BMP6: variants seen among roughly 807,000 people sequenced by gnomAD.
BMP6 encodes the protein bone morphogenetic protein 6.
In BMP6, 17 loss-of-function variants were observed where a neutral mutation model predicts 54.1. That is an observed-to-expected ratio of 0.31 (90% CI 0.22 to 0.47). BMP6 has a LOEUF of 0.47. Ranked by LOEUF, BMP6 falls within the 20% of genes least tolerant of loss-of-function variation. The pLI is 1.00. For synonymous variants in BMP6, 328 were observed against 291.2 expected (o/e 1.13, Z -1.28); for missense variants, 720 against 690.4 (o/e 1.04, Z -0.48).
At chr6:7,806,369 T>A (rs1758347115) in intron 1 of BMP6, among the ~76,000 whole-genome samples, 1 of 152,250 alleles carries the variant, frequency 6.6e-6, no homozygotes, top group Admixed American at 6.5e-5. Context: ...ACTAACCAGC[T>A]GATTGCCCAT....
intron 1 of BMP6, among the ~76,000 whole-genome samples, chr6:7,823,657 T>G (rs150203289): frequency 6.6e-6 from 1 of 152,236 alleles, no homozygotes; most frequent in Non-Finnish European, 1.5e-5. Flanking sequence ...GGAGATGATA[T>G]GTGAGCAGAG....
intron 1 of BMP6, among the ~76,000 whole-genome samples, chr6:7,810,578 T>G (rs1489150701): frequency 2.0e-5 from 3 of 152,230 alleles, no homozygotes; most frequent in African/African-American, 7.2e-5. Flanking sequence ...CTCATGGTAT[T>G]CATATTTGTC....
chr6:7,843,201 G>A (rs1197445619), intron 1 of BMP6, among the ~76,000 whole-genome samples: 1 of 151,582 alleles, frequency 6.6e-6, no homozygotes, highest in Admixed American at 6.6e-5. Flanking sequence ...TTTTCTGGTT[G>A]GACTTCTTCT....
At chr6:7,879,920 A>G in intron 5 of BMP6, 71 bp from the exon 6 acceptor site, 1 of 1,460,592 alleles carries the variant, frequency 6.8e-7, no homozygotes, top group Non-Finnish European at 9.6e-7. Context: ...TTTTCACAGC[A>G]TTCCTGAAAA....
intron 1 of BMP6, among the ~76,000 whole-genome samples, chr6:7,764,816 CTCAGCAGTAGCTGATGCAGGACGA>C (rs999854502): frequency 3.9e-5 from 6 of 152,144 alleles, no homozygotes; most frequent in Admixed American, 3.9e-4. Context: ...GTGCAGGTCC[CTCAGCAGTAGCTGATGCAGGACGA>C]GGCCCAAGGG....
At chr6:7,780,172 T>C (rs766496748) in intron 1 of BMP6, among the ~76,000 whole-genome samples, 5 of 152,268 alleles carry the variant, frequency 3.3e-5, no homozygotes, top group Non-Finnish European at 5.9e-5. Flanking sequence ...TTGTGTTGTG[T>C]TTCTGTGATC....
rs568909285 is a variant in BMP6 at position 7,775,352 on chromosome 6, C to G, written c.664+47733C>G. On this transcript the variant is annotated intron_variant, in intron 1 of 6. Coordinates refer to ENST00000283147, the MANE Select transcript of BMP6 (RefSeq NM_001718.6). ...GACCTTGGTAGTGAATGTTGAAGGTCACAGAGCTGCTGAAGTGGTCCTGAA... is the reference window on the plus strand; with the variant it reads ...GACCTTGGTAGTGAATGTTGAAGGTGACAGAGCTGCTGAAGTGGTCCTGAA... Among the ~76,000 whole-genome samples the G allele has an allele frequency of 5.3e-5, 8 of 152,262 alleles. No homozygotes were observed. The East Asian group carries it at 1.5e-3, about 29-fold the overall frequency.
At chr6:7,748,439 AG>A (rs1279974257) in intron 1 of BMP6, among the ~76,000 whole-genome samples, 1 of 152,214 alleles carries the variant, frequency 6.6e-6, no homozygotes, top group East Asian at 1.9e-4. Flanking sequence ...ACCATCAAAA[AG>A]AAAACTGGAA....
chr6:7,806,727 T>C (rs995421800), intron 1 of BMP6, among the ~76,000 whole-genome samples: 1 of 152,220 alleles, frequency 6.6e-6, no homozygotes, highest in African/African-American at 2.4e-5. Context: ...ATTTTAAATA[T>C]TTTATACATC....
chr6:7,804,854 G>A (rs1758325412), intron 1 of BMP6, among the ~76,000 whole-genome samples: 1 of 151,494 alleles, frequency 6.6e-6, no homozygotes, highest in South Asian at 2.1e-4. Flanking sequence ...GGGACTAGAG[G>A]ATTTTAAGAA....
intron 1 of BMP6, among the ~76,000 whole-genome samples, chr6:7,803,731 C>A (rs964225901): frequency 1.3e-5 from 2 of 152,134 alleles, no homozygotes; most frequent in Non-Finnish European, 2.9e-5. Context: ...TCATTGATTT[C>A]AAGATGCACC....
At chr6:7,732,658 C>T (rs974263832) in intron 1 of BMP6, among the ~76,000 whole-genome samples, 3 of 151,272 alleles carry the variant, frequency 2.0e-5, no homozygotes, top group African/African-American at 7.3e-5. Context: ...ACTATGAATA[C>T]TGGCTAAATA....
At chr6:7,736,162 T>C (rs569946280) in intron 1 of BMP6, among the ~76,000 whole-genome samples, 1 of 152,342 alleles carries the variant, frequency 6.6e-6, no homozygotes, top group South Asian at 2.1e-4. Flanking sequence ...AGTTTAAAAA[T>C]CTTTTTTCCT....
At chr6:7,807,875 A>G (rs1334792443) in intron 1 of BMP6, among the ~76,000 whole-genome samples, 1 of 139,622 alleles carries the variant, frequency 7.2e-6, no homozygotes, top group African/African-American at 2.7e-5. Flanking sequence ...CCTGCAATTG[A>G]TTGCAGTTCT....
intron 1 of BMP6, among the ~76,000 whole-genome samples, chr6:7,820,813 GA>G (rs764154545): frequency 2.3e-4 from 35 of 152,210 alleles, no homozygotes; most frequent in Non-Finnish European, 4.7e-4. Flanking sequence ...ACCAGGTGGG[GA>G]GGGGGGTGGT....
intron 1 of BMP6, among the ~76,000 whole-genome samples, chr6:7,747,566 G>A (rs1235251069): frequency 1.3e-5 from 2 of 152,180 alleles, no homozygotes; most frequent in Admixed American, 1.3e-4. Flanking sequence ...GAATGAGCAA[G>A]GAAACATATC....
intron 1 of BMP6, among the ~76,000 whole-genome samples, chr6:7,760,062 C>T (rs1757588623): frequency 8.7e-6 from 1 of 114,464 alleles, no homozygotes; most frequent in African/African-American, 3.4e-5. Flanking sequence ...TATTTTTCAA[C>T]TTTTTTTTTT....
intron 1 of BMP6, among the ~76,000 whole-genome samples, chr6:7,822,895 GGTTGTGTGTGT>G (rs1030702582): frequency 1.8e-4 from 26 of 144,194 alleles, no homozygotes; most frequent in African/African-American, 6.9e-4. Flanking sequence ...GATTGGTGCT[GGTTGTGTGTGT>G]GTGTGTGTGT....
At chr6:7,871,132 G>A (rs982210496) in intron 4 of BMP6, among the ~76,000 whole-genome samples, 17 of 152,154 alleles carry the variant, frequency 1.1e-4, no homozygotes, top group African/African-American at 3.6e-4. Context: ...TTTTATCATG[G>A]TTTTTGCTTC....
Sources: gnomAD v4.1 joint callset for allele counts (sites outside exome capture counted in the v4.1 genomes callset) on GRCh38, gnomAD v4.1.1 for gene constraint, MANE v1.5 for transcripts, NCBI Gene and HGNC (gene_info 2026-07-23, HGNC 2026-07-21) for gene names.